Variants in SLC38A9 observed in about 807,000 individuals in gnomAD.
The protein encoded by SLC38A9 is neutral amino acid transporter 9.
Under a neutral mutation model 62.3 loss-of-function variants are expected in SLC38A9, and 48 were observed. That is an observed-to-expected ratio of 0.77 (90% confidence interval 0.61 to 0.98). SLC38A9 has a LOEUF of 0.98. Among genes scored for constraint, SLC38A9 ranks in the 50% least tolerant of loss-of-function variants. SLC38A9 has a pLI of 0.00. For synonymous variants in SLC38A9, 204 were observed against 227.7 expected, an observed-to-expected ratio of 0.90 and a Z score of 0.94; for missense variants, 541 against 679.8, an observed-to-expected ratio of 0.80 and a Z score of 2.27.
At chr5:55,685,406 A>G (rs1753642090) in intron 3 of SLC38A9, among the ~76,000 whole-genome samples, 1 of 152,216 alleles carries the variant, frequency 6.6e-6, no homozygotes, top group Admixed American at 6.5e-5. Flanking sequence ...TAATGTCTTC[A>G]AGGTTGATAC....
intron 12 of SLC38A9, among the ~76,000 whole-genome samples, chr5:55,643,976 T>A (rs1026162877): frequency 6.6e-6 from 1 of 152,178 alleles, no homozygotes; most frequent in Non-Finnish European, 1.5e-5. Flanking sequence ...TTATTTATTT[T>A]TTGAGATGGA....
intron 3 of SLC38A9, chr5:55,693,478 T>A (rs773816061): frequency 2.8e-4 from 42 of 152,218 alleles, no homozygotes; most frequent in Admixed American, 1.6e-3. Flanking sequence ...TAAAAAATAC[T>A]GCATTACACA....
intron 2 of SLC38A9, among the ~76,000 whole-genome samples, chr5:55,700,212 G>A (rs1294798656): frequency 6.6e-6 from 1 of 151,890 alleles, no homozygotes; most frequent in Non-Finnish European, 1.5e-5. Context: ...ATGGTTGTGG[G>A]CGCCTGTAAT....
chr5:55,705,518 A>G (rs1419414702), intron 2 of SLC38A9, among the ~76,000 whole-genome samples: 1 of 152,008 alleles, frequency 6.6e-6, no homozygotes, highest in African/African-American at 2.4e-5. Flanking sequence ...TAAATCACTA[A>G]GCTAAGAAAA....
intron 3 of SLC38A9, among the ~76,000 whole-genome samples, chr5:55,679,614 T>C (rs1165570999): frequency 6.7e-6 from 1 of 149,664 alleles, no homozygotes; most frequent in Non-Finnish European, 1.5e-5. Context: ...TTTTTTTTAA[T>C]AGCAGCAACA....
At chr5:55,668,237 T>A (rs1750786328) in intron 7 of SLC38A9, among the ~76,000 whole-genome samples, 1 of 152,182 alleles carries the variant, frequency 6.6e-6, no homozygotes, top group South Asian at 2.1e-4. Context: ...GTTCCAATTT[T>A]AAATGAGATG....
At chr5:55,636,905 C>T (rs1478777727) in intron 12 of SLC38A9, among the ~76,000 whole-genome samples, 1 of 152,172 alleles carries the variant, frequency 6.6e-6, no homozygotes, top group African/African-American at 2.4e-5. Flanking sequence ...TGACCGGGCA[C>T]AGTTTCAAAA....
At chr5:55,654,162 T>C (rs1748008773) in intron 9 of SLC38A9, among the ~76,000 whole-genome samples, 1 of 152,210 alleles carries the variant, frequency 6.6e-6, no homozygotes, top group Non-Finnish European at 1.5e-5. Context: ...AGAATATTCA[T>C]TGTCAGTTCT....
At chr5:55,630,951 G>C (rs1455120367) in intron 14 of SLC38A9, among the ~76,000 whole-genome samples, 1 of 151,994 alleles carries the variant, frequency 6.6e-6, no homozygotes, top group Admixed American at 6.6e-5. Flanking sequence ...GCCCAACATG[G>C]CGAAACACCA....
chr5:55,669,078 A>G, intron 7 of SLC38A9, 150 bp downstream of exon 7: 1 of 494,996 alleles, frequency 2.0e-6, no homozygotes, highest in South Asian at 4.0e-5. Flanking sequence ...TAGCAAATCA[A>G]TTTAGCTGAA....
intron 8 of SLC38A9, among the ~76,000 whole-genome samples, chr5:55,661,864 T>C (rs556573837): frequency 6.6e-6 from 1 of 151,976 alleles, no homozygotes; most frequent in Non-Finnish European, 1.5e-5. Flanking sequence ...GATAGAAAAA[T>C]GGGCAAAGGA....
At chr5:55,706,161 C>T (rs1757269935) in intron 2 of SLC38A9, among the ~76,000 whole-genome samples, 1 of 152,260 alleles carries the variant, frequency 6.6e-6, no homozygotes, top group East Asian at 1.9e-4. Context: ...TGTCTCAAGG[C>T]TCAATATTTC....
At chr5:55,636,308 G>A (rs896531546) in intron 12 of SLC38A9, among the ~76,000 whole-genome samples, 1 of 152,114 alleles carries the variant, frequency 6.6e-6, no homozygotes, top group African/African-American at 2.4e-5. Context: ...TAAATAAAGC[G>A]GACTGCTTTC....
At chr5:55,679,092 A>AGATT (rs10624272) in intron 3 of SLC38A9, among the ~76,000 whole-genome samples, 90,866 of 151,692 alleles carry the variant, frequency 0.6, 27,786 homozygotes, top group South Asian at 0.7. Context: ...AATTTTATCA[A>AGATT]GATTATGTCT....
intron 3 of SLC38A9, among the ~76,000 whole-genome samples, chr5:55,676,671 C>T (rs958158131): frequency 7.2e-5 from 11 of 152,112 alleles, no homozygotes; most frequent in Non-Finnish European, 1.5e-4. Flanking sequence ...TATTTTTCTT[C>T]TACAAGAAAC....
intron 14 of SLC38A9, among the ~76,000 whole-genome samples, chr5:55,632,879 C>T (rs1163149947): frequency 6.6e-6 from 1 of 152,188 alleles, no homozygotes; most frequent in Non-Finnish European, 1.5e-5. Context: ...AGTCTATTAG[C>T]ATTAGACATG....
At position 55,627,928 on chromosome 5, in the gene SLC38A9, T is replaced by C. The variant is rs371076270; in HGVS notation, c.1483A>G (p.Met495Val). The C allele has an allele frequency of 2.7e-5, 43 of 1,612,896 alleles. No homozygotes were observed. The highest frequency in any genetic ancestry group is 8.9e-5 in the East Asian group (4 of 44,842). The change falls in exon 15 of 16, where the codon ATG (methionine) becomes GTG (valine). Residue 495 changes from methionine to valine, a missense_variant. Coordinates refer to ENST00000396865, the MANE Select transcript of SLC38A9 (RefSeq NM_173514.4). ...CCTATGTTTGGGTAGAAACAGGCCA[T>C]GATCACTCCAGCTCCCACAATAATT... The part of the protein sequence containing the change: ...NLIIVGAGVI[M>V]ACFYPNIGGI...
At chr5:55,697,651 A>G (rs1312161992) in intron 3 of SLC38A9, among the ~76,000 whole-genome samples, 195 bp downstream of exon 3, 2 of 86,296 alleles carry the variant, frequency 2.3e-5, no homozygotes, top group Non-Finnish European at 4.5e-5. Flanking sequence ...TGTTGAGTTT[A>G]GTGAAAAAAA....
chr5:55,637,236 G>A (rs1018619130), intron 12 of SLC38A9, among the ~76,000 whole-genome samples: 3 of 152,094 alleles, frequency 2.0e-5, no homozygotes, highest in African/African-American at 4.8e-5. Flanking sequence ...TGATCACCAC[G>A]TTATTTTGGT....
Sources: allele counts gnomAD v4.1 joint callset (sites outside exome capture counted in the v4.1 genomes callset), GRCh38; gene constraint gnomAD v4.1.1; transcripts MANE v1.5; gene names NCBI Gene and HGNC (gene_info 2026-07-23, HGNC 2026-07-21).